The following MAGI2 variants were observed in gnomAD, a reference collection of about 807,000 sequenced individuals.
MAGI2 encodes the protein membrane-associated guanylate kinase, WW and PDZ domain-containing protein 2.
In MAGI2, 35 loss-of-function variants were observed where a neutral mutation model predicts 133.3. That is an observed-to-expected ratio of 0.26 (90% CI 0.20 to 0.35). The LOEUF (loss-of-function observed/expected upper bound fraction) is 0.35, where lower values mean the gene tolerates loss of function less well. Ranked by LOEUF, MAGI2 falls within the 10% of genes least tolerant of loss-of-function variation. The pLI is 1.00. For missense variants in MAGI2, 1,636 were observed against 1,863.4 expected (o/e 0.88, Z 2.25); for synonymous variants, 729 against 710.6 (o/e 1.03, Z -0.41).
At chr7:78,235,803 T>C (rs1229961956) in intron 10 of MAGI2, among the ~76,000 whole-genome samples, 7 of 152,152 alleles carry the variant, frequency 4.6e-5, no homozygotes, top group Non-Finnish European at 1.0e-4. Context: ...AATAGACGAT[T>C]GTAACTAAGC....
Position 79,399,512 on chromosome 7 carries a change from A to T in MAGI2, c.301+53508T>A, listed in dbSNP as rs141923049. Among the ~76,000 whole-genome samples, 68 of 152,228 alleles carry T rather than the reference A, an allele frequency of 4.5e-4. No homozygotes were observed. The East Asian group carries it at 0.012, about 28-fold the overall frequency. The stretch of plus-strand genomic sequence containing the variant: ...GTAGAGAGCATCTTGTGGCTAGGAA[A>T]AGATTAGGTACAATCATTATATTAT... On this transcript the variant is annotated intron_variant, in intron 1 of 21. Transcript: ENST00000354212.
chr7:78,810,288 A>G (rs1788930675), intron 2 of MAGI2, among the ~76,000 whole-genome samples: 3 of 152,122 alleles, frequency 2.0e-5, no homozygotes, highest in South Asian at 2.1e-4. Flanking sequence ...AAGGGATATT[A>G]TTTTGCTGAT....
chr7:78,966,911 G>T (rs550734210), intron 2 of MAGI2, among the ~76,000 whole-genome samples: 1 of 142,748 alleles, frequency 7.0e-6, no homozygotes, highest in African/African-American at 2.6e-5. Context: ...TCAGATCCCT[G>T]TTGGCCACTA....
chr7:78,318,433 G>T (rs1384338994), intron 9 of MAGI2, among the ~76,000 whole-genome samples: 1 of 151,856 alleles, frequency 6.6e-6, no homozygotes, highest in Non-Finnish European at 1.5e-5. Flanking sequence ...AAAAAAGAAC[G>T]AAAAGGAACA....
chr7:78,453,015 A>C (rs1384866465), intron 6 of MAGI2, among the ~76,000 whole-genome samples: 1 of 152,042 alleles, frequency 6.6e-6, no homozygotes. Flanking sequence ...CTTGTAATGT[A>C]TATATCATCA....
At chr7:79,106,114 G>T (rs920975113) in intron 1 of MAGI2, among the ~76,000 whole-genome samples, 92 of 152,184 alleles carry the variant, frequency 6.0e-4, no homozygotes, top group African/African-American at 2.0e-3. Context: ...AAAAATTTAG[G>T]AATTATATAC....
At chr7:78,210,580 T>G (rs1280269585) in intron 10 of MAGI2, among the ~76,000 whole-genome samples, 2 of 152,180 alleles carry the variant, frequency 1.3e-5, no homozygotes, top group Admixed American at 1.3e-4. Context: ...TTTTGAAGTT[T>G]GCACCAAAAT....
chr7:78,027,170 G>C (rs1387042255), intron 21 of MAGI2, among the ~76,000 whole-genome samples: 1 of 152,122 alleles, frequency 6.6e-6, no homozygotes, highest in Non-Finnish European at 1.5e-5. Context: ...GAGAAATGAG[G>C]GCTCATGTCT....
intron 2 of MAGI2, among the ~76,000 whole-genome samples, chr7:78,666,677 G>A (rs573513075): frequency 6.6e-6 from 1 of 152,176 alleles, no homozygotes; most frequent in Admixed American, 6.6e-5. Flanking sequence ...CAAAGTATGA[G>A]GGAACTTTTC....
intron 1 of MAGI2, among the ~76,000 whole-genome samples, chr7:79,332,419 T>G (rs1034614885): frequency 3.9e-5 from 6 of 152,216 alleles, no homozygotes; most frequent in Non-Finnish European, 8.8e-5. Context: ...TGTTCTGCTT[T>G]CTTCTTCAAA....
At chr7:78,614,776 C>T (rs1328494579) in intron 3 of MAGI2, 1 of 152,088 alleles carries the variant, frequency 6.6e-6, no homozygotes, top group East Asian at 1.9e-4. Flanking sequence ...AGTTGCATTA[C>T]ATTTGTCTGG....
At chr7:79,372,333 G>A (rs552471348) in intron 1 of MAGI2, among the ~76,000 whole-genome samples, 3 of 151,664 alleles carry the variant, frequency 2.0e-5, no homozygotes, top group East Asian at 1.9e-4. Context: ...GGAGGATTTC[G>A]CAGGAAGAGA....
chr7:78,150,843 G>A (rs1288550394), intron 16 of MAGI2, among the ~76,000 whole-genome samples: 2 of 152,064 alleles, frequency 1.3e-5, no homozygotes, highest in African/African-American at 2.4e-5. Context: ...AAAATGCATT[G>A]TGAACACACA....
At chr7:79,076,622 GT>G (rs2129541585) in intron 1 of MAGI2, among the ~76,000 whole-genome samples, 1 of 152,200 alleles carries the variant, frequency 6.6e-6, no homozygotes, top group South Asian at 2.1e-4. Flanking sequence ...TGCATATCCC[GT>G]TTTCCTGTAT....
chr7:78,705,174 G>T (rs984909093), intron 2 of MAGI2, among the ~76,000 whole-genome samples: 12 of 151,998 alleles, frequency 7.9e-5, no homozygotes, highest in African/African-American at 2.9e-4. Flanking sequence ...ATCAATGGAG[G>T]GACCTGATGG....
At chr7:79,397,168 TTA>T (rs546820377) in intron 1 of MAGI2, among the ~76,000 whole-genome samples, 1 of 149,154 alleles carries the variant, frequency 6.7e-6, no homozygotes, top group African/African-American at 2.4e-5. Flanking sequence ...ATTATTTATA[TTA>T]TATATATATG....
At chr7:79,032,293 G>C (rs1323019196) in intron 1 of MAGI2, among the ~76,000 whole-genome samples, 1 of 152,136 alleles carries the variant, frequency 6.6e-6, no homozygotes, top group African/African-American at 2.4e-5. Context: ...AAGGCGGGCA[G>C]ATCATTTGAG....
At chr7:78,114,521 T>C (rs1227766408) in intron 20 of MAGI2, among the ~76,000 whole-genome samples, 1 of 152,206 alleles carries the variant, frequency 6.6e-6, no homozygotes, top group African/African-American at 2.4e-5. Flanking sequence ...GAGCAAGCTA[T>C]GAAGAAGCTC....
chr7:78,163,262 C>T (rs550892924), intron 15 of MAGI2, among the ~76,000 whole-genome samples: 5 of 152,146 alleles, frequency 3.3e-5, no homozygotes, highest in Admixed American at 2.6e-4. Context: ...CTTAGCCTCC[C>T]GAGTAGCTGA....
Sources: gnomAD v4.1 joint callset for allele counts (sites outside exome capture counted in the v4.1 genomes callset) on GRCh38, gnomAD v4.1.1 for gene constraint, MANE v1.5 for transcripts, NCBI Gene and HGNC (gene_info 2026-07-23, HGNC 2026-07-21) for gene names.